Variants in PCDHGA1 observed in about 807,000 individuals in gnomAD.
PCDHGA1 encodes the protein protocadherin gamma-A1.
Under a neutral mutation model 58.0 loss-of-function variants are expected in PCDHGA1, and 32 were observed. The observed-to-expected ratio is 0.55, with a 90% confidence interval of 0.42 to 0.74. The LOEUF (loss-of-function observed/expected upper bound fraction) is 0.74, where lower values mean the gene tolerates loss of function less well. PCDHGA1 is among the 30% of genes least tolerant of loss of function. PCDHGA1 has a pLI of 0.00. For synonymous variants in PCDHGA1, 498 were observed against 501.1 expected (o/e 0.99, Z 0.08); for missense variants, 1,205 against 1,182.3 (o/e 1.02, Z -0.28).
At chr5:141,360,685 C>G (rs1174520125) in intron 1 of PCDHGA1, 2 of 1,613,986 alleles carry the variant, frequency 1.2e-6, no homozygotes, top group Non-Finnish European at 1.7e-6. Context: ...CGCTGAGAAA[C>G]AGACTCCAGA....
intron 1 of PCDHGA1, chr5:141,400,547 C>T (rs534226736): frequency 2.5e-6 from 4 of 1,613,676 alleles, no homozygotes; most frequent in Non-Finnish European, 3.4e-6. Context: ...TATGTCTATT[C>T]TTTTTCATTA....
At chr5:141,366,402 T>C (rs1465149203) in intron 1 of PCDHGA1, 12 of 1,614,168 alleles carry the variant, frequency 7.4e-6, no homozygotes, top group Non-Finnish European at 1.0e-5. Flanking sequence ...GACCTCACAC[T>C]CTATCTTGTG....
chr5:141,416,828 C>T (rs1014962852), intron 1 of PCDHGA1: 2 of 152,042 alleles, frequency 1.3e-5, no homozygotes, highest in African/African-American at 4.8e-5. Context: ...CGAAGTTTCT[C>T]AAGACCCTTA....
intron 1 of PCDHGA1, among the ~76,000 whole-genome samples, chr5:141,380,809 T>G (rs1475702152): frequency 6.6e-6 from 1 of 152,192 alleles, no homozygotes; most frequent in Non-Finnish European, 1.5e-5. Flanking sequence ...AAATGTGAGA[T>G]GAAACTATGA....
At position 141,357,120 on chromosome 5, in the gene PCDHGA1, G is replaced by A. The variant is rs777241570; in HGVS notation, c.2421+24015G>A. The A allele has an allele frequency of 3.7e-6, 6 of 1,613,562 alleles. No homozygotes were observed. The Admixed American group carries it at 1.0e-4, about 27-fold the overall frequency. Reference sequence around the variant, plus strand: ...TGCTGGACAGAGACGCGCTCAAGCAGAGGCTTGTAGTGGTCGTCCAGGACC... The same window carrying A: ...TGCTGGACAGAGACGCGCTCAAGCAAAGGCTTGTAGTGGTCGTCCAGGACC... On this transcript the variant is annotated intron_variant, in intron 1 of 3. Transcript: ENST00000517417.
intron 1 of PCDHGA1, chr5:141,382,731 A>C: frequency 3.6e-6 from 2 of 554,530 alleles, no homozygotes; most frequent in Non-Finnish European, 6.1e-6. Context: ...TTTACAGCAC[A>C]GAGAAACGAC....
In PCDHGA1 at chr5:141,398,686, G is replaced by A. The variant is rs2093688431; in HGVS notation, c.2421+65581G>A. On this transcript the variant is annotated intron_variant, in intron 1 of 3. Coordinates refer to ENST00000517417, the MANE Select transcript of PCDHGA1 (RefSeq NM_018912.3). ...CTCATTAATAATTAAGGAGAAACAG[G>A]ATGGTAGTAAATACCCGGAACTGGC... 3 of 1,613,920 alleles carry A rather than the reference G, an allele frequency of 1.9e-6. No individual in the cohort carries two copies. The East Asian group carries it at 6.7e-5, about 36-fold the overall frequency.
At chr5:141,388,513 T>A in intron 1 of PCDHGA1, 2 of 1,613,840 alleles carry the variant, frequency 1.2e-6, no homozygotes, top group Non-Finnish European at 1.7e-6. Context: ...TCCTACCACT[T>A]GACTTTGACT....
chr5:141,355,193 G>C lies in PCDHGA1; in HGVS notation c.2421+22088G>C, dbSNP rs1759749464. The C allele has an allele frequency of 3.2e-5, 51 of 1,594,318 alleles. No homozygotes were observed. In the East Asian group the frequency reaches 1.1e-3, roughly 36 times the overall value. On this transcript the variant is annotated intron_variant, in intron 1 of 3. Transcript: ENST00000517417. ...CCGAAGCACAGGCGACTCCGCGGCG[G>C]GGTTGTAATGGCGGCGCCTCCTGCT... is the stretch of plus-strand genomic sequence containing the variant.
chr5:141,413,298 G>A (rs1672233901), intron 1 of PCDHGA1: 3 of 1,613,950 alleles, frequency 1.9e-6, no homozygotes, highest in Non-Finnish European at 2.5e-6. Context: ...CAATTCCTGA[G>A]GAATTAGAGA....
intron 1 of PCDHGA1, chr5:141,478,437 A>G (rs2099455876): frequency 6.2e-7 from 1 of 1,613,758 alleles, no homozygotes; most frequent in African/African-American, 1.3e-5. Flanking sequence ...CCGCTGCTGA[A>G]GAAACCTGGT....
intron 1 of PCDHGA1, chr5:141,333,375 A>G: frequency 1.7e-6 from 1 of 584,716 alleles, no homozygotes; most frequent in Non-Finnish European, 3.0e-6. Flanking sequence ...TGGAAAGAGC[A>G]CTGCATTAGA....
intron 1 of PCDHGA1, among the ~76,000 whole-genome samples, chr5:141,488,261 G>T (rs993627373): frequency 6.6e-6 from 1 of 152,148 alleles, no homozygotes; most frequent in Non-Finnish European, 1.5e-5. Flanking sequence ...GGTTGGGGCG[G>T]GTTGGTCATC....
intron 1 of PCDHGA1, chr5:141,478,576 G>T (rs543160289): frequency 5.0e-6 from 8 of 1,585,598 alleles, no homozygotes; most frequent in Non-Finnish European, 6.9e-6. Flanking sequence ...GCTTGACCCT[G>T]TTAGTGCTTT....
In PCDHGA1 at chr5:141,331,348, C is replaced by A. The variant is rs758701840; in HGVS notation, c.664C>A (p.Arg222Ser). 2 of 1,614,152 alleles carry A rather than the reference C, an allele frequency of 1.2e-6. No homozygotes were observed. The highest frequency in any genetic ancestry group is 1.3e-5 in the African/African-American group (1 of 75,028). Residue 222 changes from arginine (R) to serine (S), a missense_variant, in exon 1 of 4, where the codon CGT becomes AGT. Transcript: ENST00000517417. Reference protein sequence around the residue: ...LTASDGGEPVRSGTLRIYIQV... With the variant: ...LTASDGGEPVSSGTLRIYIQV... The stretch of plus-strand genomic sequence containing the variant: ...AGCTTCTGATGGGGGTGAACCAGTC[C>A]GTTCAGGGACCCTCAGAATTTACAT...
chr5:141,348,850 C>A (rs1758192958), intron 1 of PCDHGA1, among the ~76,000 whole-genome samples: 1 of 151,946 alleles, frequency 6.6e-6, no homozygotes, highest in South Asian at 2.1e-4. Context: ...GTGAGCACTG[C>A]AAAATAGTAG....
intron 1 of PCDHGA1, chr5:141,423,313 G>T (rs1407028245): frequency 1.2e-6 from 2 of 1,614,184 alleles, no homozygotes; most frequent in Non-Finnish European, 1.7e-6. Context: ...GTACTTGGTG[G>T]TGGCGGTGGC....
Position 141,511,250 on chromosome 5 carries a change from CAG to C in PCDHGA1, c.*80_*81del. 2 of 1,571,674 alleles carry C rather than the reference CAG, an allele frequency of 1.3e-6. No homozygotes were observed. Among genetic ancestry groups the C allele is most frequent in the Non-Finnish European group, 1.7e-6 (2 of 1,158,794 alleles). On this transcript the variant is annotated 3_prime_UTR_variant, in exon 4 of 4. Transcript: ENST00000517417. ...CTTCTCCTTACCTGCACCCAGGCCT[CAG>C]AGTTTCAGGGCTAACCCCCAGAATA...
intron 1 of PCDHGA1, chr5:141,400,181 A>T: frequency 6.2e-7 from 1 of 1,614,034 alleles, no homozygotes; most frequent in Non-Finnish European, 8.5e-7. Flanking sequence ...GCTGAGCTGC[A>T]GTTTTACCTA....
Sources: allele counts gnomAD v4.1 joint callset (sites outside exome capture counted in the v4.1 genomes callset), GRCh38; gene constraint gnomAD v4.1.1; transcripts MANE v1.5; gene names NCBI Gene and HGNC (gene_info 2026-07-23, HGNC 2026-07-21).